NDUFA5: variants seen among roughly 807,000 people sequenced by gnomAD.
NDUFA5 encodes the protein NADH:ubiquinone oxidoreductase subunit A5, also known as NADH dehydrogenase [ubiquinone] 1 alpha subcomplex subunit 5.
NDUFA5 carries 11 observed loss-of-function variants against 19.8 expected under a neutral mutation model. The ratio of observed to expected loss-of-function variants is 0.56; its 90% CI spans 0.35 to 0.92. The LOEUF (loss-of-function observed/expected upper bound fraction) is 0.92. Among genes scored for constraint, NDUFA5 ranks in the 40% least tolerant of loss-of-function variants. NDUFA5 has a pLI of 0.01. For missense variants in NDUFA5, 109 were observed against 134.2 expected (o/e 0.81, Z 0.93); for synonymous variants, 47 against 46.8 (o/e 1.00, Z -0.01).
intron 3 of NDUFA5, chr7:123,549,988 G>C (rs530742495): frequency 1.3e-5 from 2 of 153,302 alleles, no homozygotes; most frequent in East Asian, 3.9e-4. Context: ...ATGATTGCTA[G>C]TGTGAAAATT....
chr7:123,570,847 A>G, the NDUFA5 span, among the ~76,000 whole-genome samples: 2,406 of 152,272 alleles, frequency 0.016, 63 homozygotes, highest in African/African-American at 0.049. Context: ...TTACCTGTCC[A>G]TATGGATTTC....
At chr7:123,573,953 T>G in the NDUFA5 span, among the ~76,000 whole-genome samples, 6 of 152,136 alleles carry the variant, frequency 3.9e-5, no homozygotes, top group Admixed American at 1.3e-4. Flanking sequence ...TTTACAATAT[T>G]ATTTTAACTG....
chr7:123,544,045 C>T (rs1208683138), intron 4 of NDUFA5, among the ~76,000 whole-genome samples: 1 of 151,940 alleles, frequency 6.6e-6, no homozygotes, highest in Admixed American at 6.6e-5. Context: ...CTTCAATCAA[C>T]AGTAAGAAAA....
upstream of NDUFA5, among the ~76,000 whole-genome samples, chr7:123,561,268 G>C (rs938251697): frequency 3.9e-5 from 6 of 152,170 alleles, no homozygotes; most frequent in African/African-American, 1.4e-4. Context: ...TTCTGCTGCT[G>C]CTTTATCAAC....
chr7:123,571,961 G>A, the NDUFA5 span, among the ~76,000 whole-genome samples: 8 of 151,522 alleles, frequency 5.3e-5, no homozygotes, highest in African/African-American at 9.7e-5. Context: ...TTATAGAGAT[G>A]GAGGTCTCAC....
intron 2 of NDUFA5, chr7:123,555,373 A>G (rs1045657815): frequency 1.3e-5 from 2 of 152,250 alleles, no homozygotes; most frequent in African/African-American, 4.8e-5. Context: ...GAACTATGGT[A>G]GTAACAATAG....
intron 3 of NDUFA5, among the ~76,000 whole-genome samples, chr7:123,547,841 A>T (rs182991685): frequency 6.6e-6 from 1 of 152,184 alleles, no homozygotes; most frequent in Non-Finnish European, 1.5e-5. Context: ...AAACTTGATA[A>T]GGTACCATGT....
chr7:123,549,781 T>C (rs1798265412), intron 3 of NDUFA5, among the ~76,000 whole-genome samples: 1 of 152,152 alleles, frequency 6.6e-6, no homozygotes, highest in Non-Finnish European at 1.5e-5. Flanking sequence ...CATCATATAA[T>C]ACAATACAAA....
intron 2 of NDUFA5, among the ~76,000 whole-genome samples, chr7:123,554,392 C>A (rs900494062): frequency 6.6e-6 from 1 of 152,138 alleles, no homozygotes; most frequent in Admixed American, 6.6e-5. Context: ...AATACAGTAG[C>A]TCCCCTTTAC....
the NDUFA5 span, among the ~76,000 whole-genome samples, chr7:123,575,807 T>C: frequency 1.4e-5 from 2 of 143,066 alleles, no homozygotes; most frequent in Admixed American, 1.5e-4. Flanking sequence ...CCTGGCAGCA[T>C]GAAGTTTTCT....
intron 2 of NDUFA5, among the ~76,000 whole-genome samples, chr7:123,551,740 T>C (rs984136766): frequency 3.9e-5 from 6 of 152,146 alleles, no homozygotes; most frequent in Non-Finnish European, 8.8e-5. Flanking sequence ...AGTCAATGCA[T>C]AGCATGTACT....
intron 4 of NDUFA5, among the ~76,000 whole-genome samples, chr7:123,543,383 C>G (rs1462886552): frequency 3.3e-5 from 5 of 152,056 alleles, no homozygotes; most frequent in Non-Finnish European, 7.4e-5. Context: ...TCCTTTCTGA[C>G]ACACCATCAT....
At chr7:123,578,217 A>G in the NDUFA5 span, among the ~76,000 whole-genome samples, 65 of 150,722 alleles carry the variant, frequency 4.3e-4, no homozygotes, top group East Asian at 8.8e-3. Flanking sequence ...TGTTTTCACT[A>G]TTCACAAGCT....
At chr7:123,586,725 T>C in the NDUFA5 span, among the ~76,000 whole-genome samples, 1 of 151,716 alleles carries the variant, frequency 6.6e-6, no homozygotes, top group Non-Finnish European at 1.5e-5. Flanking sequence ...TTTCAGTTAA[T>C]TTTTGTATAT....
upstream of NDUFA5, among the ~76,000 whole-genome samples, chr7:123,561,043 CTAAA>C (rs1389243281): frequency 6.6e-6 from 1 of 152,142 alleles, no homozygotes; most frequent in Admixed American, 6.6e-5. Flanking sequence ...TACTAAAGAT[CTAAA>C]TAAATAGACA....
Position 123,540,893 on chromosome 7 carries a change from C to CGCGCGT in NDUFA5, c.*1225_*1226insACGCGC, listed in dbSNP as rs1797915313. 3.8e-4 allele frequency: 35 copies of CGCGCGT among 91,754 alleles called. No homozygotes were observed. Among genetic ancestry groups the CGCGCGT allele is most frequent in the African/African-American group, 1.1e-3 (30 of 26,512 alleles). 5.7% of individuals were successfully genotyped at this position (91,754 alleles called of 1,614,324 possible). ...GAGCAAATGTGCGCATGCGCGTGCA[C>CGCGCGT]ACACACACACACACACACACACACA... On this transcript the variant is annotated 3_prime_UTR_variant, in exon 5 of 5. Transcript: ENST00000355749.
At chr7:123,570,717 TCAGA>T in the NDUFA5 span, among the ~76,000 whole-genome samples, 38,908 of 151,908 alleles carry the variant, frequency 0.26, 5,077 homozygotes, top group Admixed American at 0.27. Flanking sequence ...AAGGGAGCTA[TCAGA>T]CAATTTCTCC....
At chr7:123,578,585 T>C in the NDUFA5 span, among the ~76,000 whole-genome samples, 3 of 152,124 alleles carry the variant, frequency 2.0e-5, no homozygotes, top group African/African-American at 7.2e-5. Flanking sequence ...GACTGATATT[T>C]TTCCTTATTA....
At chr7:123,550,368 AAGG>A (rs995722212) in intron 3 of NDUFA5, 99 bp downstream of exon 3, 3 of 719,824 alleles carry the variant, frequency 4.2e-6, no homozygotes, top group East Asian at 2.6e-5. Context: ...GCATTCAAGG[AAGG>A]AGAATAGAAG....
Sources: gnomAD v4.1 joint callset for allele counts (sites outside exome capture counted in the v4.1 genomes callset) on GRCh38, gnomAD v4.1.1 for gene constraint, MANE v1.5 for transcripts, NCBI Gene and HGNC (gene_info 2026-07-23, HGNC 2026-07-21) for gene names.